The following HCRTR2 variants were observed in gnomAD, a reference collection of about 807,000 sequenced individuals.
HCRTR2 encodes the protein hypocretin receptor 2.
HCRTR2 carries 22 observed loss-of-function variants against 49.0 expected under a neutral mutation model. The ratio of observed to expected loss-of-function variants is 0.45; its 90% CI spans 0.32 to 0.64. The LOEUF (loss-of-function observed/expected upper bound fraction) is 0.64, where lower values mean the gene tolerates loss of function less well. Among genes scored for constraint, HCRTR2 ranks in the 30% least tolerant of loss-of-function variants. The probability of loss-of-function intolerance (pLI) is 0.04; values close to 1 mark genes in which losing one functional copy is unlikely to be tolerated. For synonymous variants in HCRTR2, 236 were observed against 205.3 expected, an observed-to-expected ratio of 1.15 and a Z score of -1.28; for missense variants, 491 against 559.4, an observed-to-expected ratio of 0.88 and a Z score of 1.23.
At chr6:55,193,536 CTT>C (rs578052261) in intron 1 of HCRTR2, among the ~76,000 whole-genome samples, 7 of 140,172 alleles carry the variant, frequency 5.0e-5, no homozygotes, top group South Asian at 2.3e-4. Flanking sequence ...TTTTGTTTTT[CTT>C]TTTTTTTTTT....
At chr6:55,222,263 C>T (rs73437060) in intron 1 of HCRTR2, among the ~76,000 whole-genome samples, 2,079 of 150,722 alleles carry the variant, frequency 0.014, 41 homozygotes, top group African/African-American at 0.048. Context: ...TATCATCTTA[C>T]ACCTGGTAGG....
chr6:55,253,194 G>GCACA (rs34614654), intron 2 of HCRTR2, among the ~76,000 whole-genome samples: 9,467 of 148,760 alleles, frequency 0.064, 443 homozygotes, highest in African/African-American at 0.14. Flanking sequence ...ACTTCATTTA[G>GCACA]CACACACACA....
At chr6:55,263,404 T>C (rs1412608122) in intron 3 of HCRTR2, among the ~76,000 whole-genome samples, 3 of 152,054 alleles carry the variant, frequency 2.0e-5, no homozygotes, top group African/African-American at 4.8e-5. Flanking sequence ...TCAAGTCAAA[T>C]AAAGGGCCTT....
At chr6:55,140,106 C>T (rs1764487079) in intron 1 of HCRTR2, among the ~76,000 whole-genome samples, 1 of 151,968 alleles carries the variant, frequency 6.6e-6, no homozygotes, top group South Asian at 2.1e-4. Context: ...TTATTGAGAC[C>T]AGCTGAAAAG....
At chr6:55,255,767 G>A (rs1766641232) in intron 3 of HCRTR2, among the ~76,000 whole-genome samples, 1 of 152,254 alleles carries the variant, frequency 6.6e-6, no homozygotes, top group South Asian at 2.1e-4. Flanking sequence ...GTTGTCTAGT[G>A]TCAGGGTCCC....
At chr6:55,272,907 C>G (rs1767001563) in intron 4 of HCRTR2, among the ~76,000 whole-genome samples, 1 of 134,856 alleles carries the variant, frequency 7.4e-6, no homozygotes, top group Non-Finnish European at 1.5e-5. Context: ...AATAATGTTG[C>G]GAGACAACAG....
At chr6:55,210,705 C>G (rs977081956) in intron 1 of HCRTR2, among the ~76,000 whole-genome samples, 4 of 152,128 alleles carry the variant, frequency 2.6e-5, no homozygotes, top group South Asian at 4.1e-4. Context: ...GGAACTGTCT[C>G]TAGGCTCTGT....
chr6:55,117,401 C>G (rs566379985), intron 1 of HCRTR2, among the ~76,000 whole-genome samples: 1 of 151,750 alleles, frequency 6.6e-6, no homozygotes, highest in East Asian at 1.9e-4. Flanking sequence ...GAATCTCAGA[C>G]AAGTGCTCTT....
chr6:55,109,162 T>A (rs1313760356), intron 1 of HCRTR2, among the ~76,000 whole-genome samples: 1 of 152,086 alleles, frequency 6.6e-6, no homozygotes, highest in Non-Finnish European at 1.5e-5. Context: ...GCAGTCCAGC[T>A]CTCAGGAAGC....
intron 5 of HCRTR2, 71 bp downstream of exon 5, chr6:55,277,671 T>TC: frequency 8.3e-7 from 1 of 1,200,904 alleles, no homozygotes; most frequent in South Asian, 1.3e-5. Context: ...TTTTTTTTTT[T>TC]TTTTAACTAA....
chr6:55,229,651 C>T (rs1766077257), intron 1 of HCRTR2, among the ~76,000 whole-genome samples: 1 of 152,126 alleles, frequency 6.6e-6, no homozygotes, highest in Non-Finnish European at 1.5e-5. Context: ...ACAATTATTG[C>T]ATGATTCTAC....
intron 1 of HCRTR2, among the ~76,000 whole-genome samples, chr6:55,119,944 TG>T (rs1159141352): frequency 2.0e-5 from 3 of 152,154 alleles, no homozygotes; most frequent in Non-Finnish European, 2.9e-5. Context: ...AGTTGATTTT[TG>T]TATAAGGTAT....
rs41271312 is a variant in HCRTR2 at position 55,174,618 on chromosome 6, C to T, written c.31C>T (p.Pro11Ser). The change falls in exon 1 of 7, where the codon CCT becomes TCT. Residue 11 changes from proline to serine, a missense_variant. Physicochemically the swap from Pro to Ser is moderately conservative, Grantham distance 74 (BLOSUM62 -1). Transcript: ENST00000370862. MSGTKLEDSPPCRNWSSASEL... is the reference protein window; with the variant it reads MSGTKLEDSPSCRNWSSASEL... Reference sequence around the variant, plus strand: ...CGGCACCAAATTGGAGGACTCCCCCCCTTGTCGCAACTGGTCATCTGCTTC... The same window carrying T: ...CGGCACCAAATTGGAGGACTCCCCCTCTTGTCGCAACTGGTCATCTGCTTC... 3.7e-6 allele frequency: 6 copies of T among 1,614,076 alleles called. No homozygotes were observed. The highest frequency in any genetic ancestry group is 2.2e-5 in the East Asian group (1 of 44,852).
chr6:55,264,225 T>C (rs1424221792), intron 4 of HCRTR2, among the ~76,000 whole-genome samples: 2 of 152,098 alleles, frequency 1.3e-5, no homozygotes, highest in African/African-American at 4.8e-5. Context: ...AGGTTATATT[T>C]GTAATCAGAT....
chr6:55,153,982 G>A (rs1388814452), intron 1 of HCRTR2, among the ~76,000 whole-genome samples: 2 of 151,500 alleles, frequency 1.3e-5, no homozygotes, highest in African/African-American at 4.8e-5. Flanking sequence ...AGATCATAAG[G>A]TACTATTATG....
At chr6:55,241,906 T>C (rs1163541130) in intron 1 of HCRTR2, among the ~76,000 whole-genome samples, 1 of 139,820 alleles carries the variant, frequency 7.2e-6, no homozygotes, top group African/African-American at 2.6e-5. Flanking sequence ...CCTCACTCTG[T>C]CGCCCAGGCT....
chr6:55,182,692 A>G (rs1157886323), intron 1 of HCRTR2, among the ~76,000 whole-genome samples: 1 of 152,158 alleles, frequency 6.6e-6, no homozygotes, highest in African/African-American at 2.4e-5. Context: ...TGTCATAATA[A>G]ATTTTTGTTG....
chr6:55,248,679 A>AT lies in HCRTR2; in HGVS notation c.264_265insT (p.Thr89TyrfsTer12). 1 of 1,613,492 alleles carries AT rather than the reference A, an allele frequency of 6.2e-7. No homozygotes were observed. The highest frequency in any genetic ancestry group is 8.5e-7 in the Non-Finnish European group (1 of 1,179,532). On this transcript the variant is annotated frameshift_variant, in exon 2 of 7. Transcript: ENST00000370862. LOFTEE classifies it high-confidence loss of function. Reference sequence around the variant, plus strand: ...GGAAGAACCACCACATGAGGACGGTAACCAACTACTTCATAGTCAATCTTT... The same window carrying AT: ...GGAAGAACCACCACATGAGGACGGTATACCAACTACTTCATAGTCAATCTTT...
chr6:55,261,785 C>A (rs115241593), intron 3 of HCRTR2, among the ~76,000 whole-genome samples: 16 of 151,948 alleles, frequency 1.1e-4, no homozygotes, highest in African/African-American at 3.9e-4. Flanking sequence ...TGGTAGCTAC[C>A]CAGAGGAAAA....
Sources: gnomAD v4.1 joint callset for allele counts (sites outside exome capture counted in the v4.1 genomes callset) on GRCh38, gnomAD v4.1.1 for gene constraint, MANE v1.5 for transcripts, NCBI Gene and HGNC (gene_info 2026-07-23, HGNC 2026-07-21) for gene names.